Variants in TCF12 observed in about 807,000 individuals in gnomAD.
TCF12 encodes the protein transcription factor 12.
Under a neutral mutation model 86.0 loss-of-function variants are expected in TCF12, and 45 were observed. The observed-to-expected ratio is 0.52, with a 90% CI of 0.41 to 0.67. TCF12 has a LOEUF of 0.67. TCF12 is among the 30% of genes least tolerant of loss of function. The probability of loss-of-function intolerance (pLI) is 0.00; values close to 1 mark genes in which losing one functional copy is unlikely to be tolerated. For synonymous variants in TCF12, 330 were observed against 299.6 expected (o/e 1.10, Z -1.05); for missense variants, 881 against 859.9 (o/e 1.02, Z -0.31).
intron 6 of TCF12, among the ~76,000 whole-genome samples, chr15:57,173,194 A>G (rs2055651532): frequency 6.6e-6 from 1 of 152,190 alleles, no homozygotes. Flanking sequence ...GGAAATTCAG[A>G]AGATATTTCT....
chr15:56,927,261 AAAG>A (rs1279794958), intron 3 of TCF12, among the ~76,000 whole-genome samples: 2 of 152,238 alleles, frequency 1.3e-5, no homozygotes, highest in Non-Finnish European at 2.9e-5. Flanking sequence ...TGTTGGTTAA[AAAG>A]AAGACCGTCT....
chr15:57,213,107 A>G (rs1460836592), intron 8 of TCF12, among the ~76,000 whole-genome samples: 1 of 152,218 alleles, frequency 6.6e-6, no homozygotes, highest in Non-Finnish European at 1.5e-5. Context: ...GTGAAGCATA[A>G]CCAAATACTG....
intron 3 of TCF12, among the ~76,000 whole-genome samples, chr15:56,988,962 A>G (rs1429195371): frequency 6.6e-6 from 1 of 152,180 alleles, no homozygotes; most frequent in Non-Finnish European, 1.5e-5. Context: ...TTCTTTTAAA[A>G]GTATACTATA....
chr15:57,036,404 C>G (rs1596241645), intron 3 of TCF12, among the ~76,000 whole-genome samples: 1 of 152,132 alleles, frequency 6.6e-6, no homozygotes, highest in Non-Finnish European at 1.5e-5. Flanking sequence ...CATGTAATAA[C>G]TCTAAGATTT....
At chr15:57,176,422 T>A (rs1597080923) in intron 6 of TCF12, among the ~76,000 whole-genome samples, 1 of 152,306 alleles carries the variant, frequency 6.6e-6, no homozygotes, top group African/African-American at 2.4e-5. Context: ...TGAATCAATA[T>A]AGTGATCAGG....
intron 3 of TCF12, among the ~76,000 whole-genome samples, chr15:56,987,852 A>C (rs1351973790): frequency 6.6e-6 from 1 of 152,212 alleles, no homozygotes; most frequent in Non-Finnish European, 1.5e-5. Flanking sequence ...TGCATTTTCA[A>C]GATAAACTCA....
At chr15:57,153,026 G>T (rs1244915021) in intron 5 of TCF12, among the ~76,000 whole-genome samples, 2 of 152,196 alleles carry the variant, frequency 1.3e-5, no homozygotes, top group Admixed American at 6.5e-5. Flanking sequence ...CAGGCAAGAT[G>T]ATAGTGATAT....
At chr15:57,228,884 T>C (rs183889924) in intron 8 of TCF12, among the ~76,000 whole-genome samples, 1 of 152,088 alleles carries the variant, frequency 6.6e-6, no homozygotes, top group East Asian at 1.9e-4. Flanking sequence ...AACTGGAGTG[T>C]TTTCATAATT....
At position 56,942,363 on chromosome 15, in the gene TCF12, A is replaced by G. The variant is rs571329225; in HGVS notation, c.148+21265A>G. Among the ~76,000 whole-genome samples, 242 of 152,342 alleles carry G rather than the reference A, an allele frequency of 1.6e-3. 1 individual carries two copies. The highest frequency in any genetic ancestry group is 5.6e-3 in the African/African-American group (232 of 41,586). The stretch of plus-strand genomic sequence containing the variant: ...AAGGAGCTTTTGTTAACATTTAATA[A>G]TAATCTGACTGTTTTCATTGACTAT... On this transcript the variant is annotated intron_variant, in intron 3 of 20. Coordinates refer to ENST00000333725, the MANE Select transcript of TCF12 (RefSeq NM_207037.2).
At chr15:57,173,092 A>C (rs1021173695) in intron 6 of TCF12, among the ~76,000 whole-genome samples, 2 of 152,178 alleles carry the variant, frequency 1.3e-5, no homozygotes, top group African/African-American at 2.4e-5. Context: ...CTGTCTCAAA[A>C]ACCAATGTCA....
intron 6 of TCF12, among the ~76,000 whole-genome samples, chr15:57,170,675 AATATATT>A (rs2055301133): frequency 1.1e-4 from 1 of 9,472 alleles, no homozygotes; most frequent in Non-Finnish European, 1.8e-4. Flanking sequence ...ATATATATAT[AATATATT>A]ATATATAATA....
At chr15:57,102,489 T>C (rs1400616658) in intron 5 of TCF12, among the ~76,000 whole-genome samples, 1 of 151,620 alleles carries the variant, frequency 6.6e-6, no homozygotes, top group Non-Finnish European at 1.5e-5. Context: ...TTCCAGCTAC[T>C]AGGGAGGCTG....
intron 6 of TCF12, among the ~76,000 whole-genome samples, chr15:57,182,984 G>C (rs1442171312): frequency 6.6e-6 from 1 of 152,126 alleles, no homozygotes; most frequent in African/African-American, 2.4e-5. Context: ...AGGGCTTTCT[G>C]AGCAGACCTA....
At chr15:57,194,653 T>C (rs1257155865) in intron 7 of TCF12, among the ~76,000 whole-genome samples, 3 of 152,216 alleles carry the variant, frequency 2.0e-5, no homozygotes, top group Non-Finnish European at 2.9e-5. Context: ...TAATCATTTT[T>C]CCCCACATTT....
At chr15:57,024,498 G>A (rs1349047344) in intron 3 of TCF12, among the ~76,000 whole-genome samples, 2 of 152,162 alleles carry the variant, frequency 1.3e-5, no homozygotes, top group Non-Finnish European at 2.9e-5. Flanking sequence ...TCAGGCATGA[G>A]CCACTGCACC....
chr15:57,119,428 T>C (rs928900617), intron 5 of TCF12, among the ~76,000 whole-genome samples: 5 of 150,170 alleles, frequency 3.3e-5, no homozygotes, highest in African/African-American at 9.8e-5. Flanking sequence ...GCTGGAATTA[T>C]AGGCATGAGC....
chr15:57,098,754 A>G (rs1017814487), intron 5 of TCF12, among the ~76,000 whole-genome samples: 1 of 152,202 alleles, frequency 6.6e-6, no homozygotes, highest in African/African-American at 2.4e-5. Context: ...CCTAACTTAA[A>G]CCGGGTGAAA....
At chr15:57,128,705 C>G (rs1430320185) in intron 5 of TCF12, among the ~76,000 whole-genome samples, 1 of 152,156 alleles carries the variant, frequency 6.6e-6, no homozygotes, top group African/African-American at 2.4e-5. Context: ...TCCTCCTTCA[C>G]CCATCTCCTA....
intron 3 of TCF12, among the ~76,000 whole-genome samples, chr15:56,971,476 G>T (rs145424751): frequency 6.6e-6 from 1 of 152,142 alleles, no homozygotes; most frequent in Non-Finnish European, 1.5e-5. Flanking sequence ...ACACCCAACA[G>T]AAAAATAGGT....
Sources: gnomAD v4.1 joint callset for allele counts (sites outside exome capture counted in the v4.1 genomes callset) on GRCh38, gnomAD v4.1.1 for gene constraint, MANE v1.5 for transcripts, NCBI Gene and HGNC (gene_info 2026-07-23, HGNC 2026-07-21) for gene names.